Variants in RNF220 observed in about 807,000 individuals in gnomAD.
RNF220 encodes E3 ubiquitin-protein ligase RNF220.
A neutral mutation model predicts 67.1 loss-of-function variants in RNF220; 7 were observed. That is an observed-to-expected ratio of 0.10 (90% CI 0.06 to 0.20). The LOEUF (loss-of-function observed/expected upper bound fraction) is 0.20. Ranked by LOEUF, RNF220 falls within the 10% of genes least tolerant of loss-of-function variation. The pLI is 1.00. For missense variants in RNF220, 565 were observed against 740.3 expected, an observed-to-expected ratio of 0.76 and a Z score of 2.75; for synonymous variants, 270 against 283.2, an observed-to-expected ratio of 0.95 and a Z score of 0.47.
intron 2 of RNF220, among the ~76,000 whole-genome samples, chr1:44,516,334 C>T (rs1023252645): frequency 6.6e-6 from 1 of 152,140 alleles, no homozygotes; most frequent in African/African-American, 2.4e-5. Context: ...AAGAAGCAAA[C>T]ACCTAAATCA....
chr1:44,474,642 C>T (rs932391593), intron 2 of RNF220, among the ~76,000 whole-genome samples: 17 of 148,098 alleles, frequency 1.1e-4, no homozygotes, highest in Non-Finnish European at 2.5e-4. Context: ...CCAGGAGTTC[C>T]AGGCTGCAGT....
intron 5 of RNF220, 164 bp from the exon 6 acceptor site, chr1:44,632,179 A>G (rs533428108): frequency 6.4e-7 from 1 of 1,573,172 alleles, no homozygotes; most frequent in Admixed American, 1.9e-5. Context: ...GAGCGGCCGG[A>G]GGAGCAGAGG....
chr1:44,406,360 G>T (rs1044184773), intron 1 of RNF220, among the ~76,000 whole-genome samples: 50 of 152,346 alleles, frequency 3.3e-4, no homozygotes, highest in African/African-American at 1.1e-3. Context: ...CGGCCTGGCC[G>T]TAGAGTAGCC....
intron 3 of RNF220, among the ~76,000 whole-genome samples, chr1:44,615,908 G>A (rs1378151115): frequency 6.6e-6 from 1 of 152,194 alleles, no homozygotes; most frequent in Non-Finnish European, 1.5e-5. Flanking sequence ...GGGTAGTAGT[G>A]GCTACTGGCT....
intron 2 of RNF220, among the ~76,000 whole-genome samples, chr1:44,459,383 A>C (rs1653530723): frequency 6.7e-6 from 1 of 148,158 alleles, no homozygotes; most frequent in African/African-American, 2.5e-5. Flanking sequence ...CACCACTTTT[A>C]AATGCTGTCT....
chr1:44,650,696 C>A lies in RNF220; in HGVS notation c.1630-8C>A, dbSNP rs201430337. On this transcript the variant is annotated splice_polypyrimidine_tract_variant and splice_region_variant and intron_variant, in intron 14 of 14. Coordinates refer to ENST00000361799, the MANE Select transcript of RNF220 (RefSeq NM_018150.4). This position sits in a 1 kb window ranked among gnomAD's most constrained non-coding sequence, Gnocchi z 4.3. ...TGTAGACCAGAGCCCTCCCTGTTCT[C>A]CCTGCAGGGTGCCAAGAAGCTCTGC... 94 of 1,613,882 alleles carry A rather than the reference C, an allele frequency of 5.8e-5. No homozygotes were observed. The South Asian group carries it at 9.6e-4, about 16-fold the overall frequency.
At chr1:44,498,062 C>T (rs1572685147) in intron 2 of RNF220, among the ~76,000 whole-genome samples, 1 of 152,170 alleles carries the variant, frequency 6.6e-6, no homozygotes. Flanking sequence ...CCCGACCGAG[C>T]TCTGACAGTG....
At chr1:44,405,016 C>T (rs144656560), upstream of RNF220, among the ~76,000 whole-genome samples, 2 of 152,248 alleles carry the variant, frequency 1.3e-5, no homozygotes, top group African/African-American at 4.8e-5. Flanking sequence ...CAAAAGCCAA[C>T]GCTCTCTTTA....
chr1:44,507,587 C>G (rs1327424838), intron 2 of RNF220, among the ~76,000 whole-genome samples: 2 of 151,868 alleles, frequency 1.3e-5, no homozygotes, highest in Non-Finnish European at 2.9e-5. Context: ...CTCGGGGGCC[C>G]TGTCAGAGCC....
intron 2 of RNF220, among the ~76,000 whole-genome samples, chr1:44,588,099 G>C (rs144608273): frequency 6.6e-6 from 1 of 152,172 alleles, no homozygotes; most frequent in Non-Finnish European, 1.5e-5. Context: ...AATCATAAGC[G>C]GCGCTGGCAG....
chr1:44,442,467 A>G (rs138038786), intron 2 of RNF220, among the ~76,000 whole-genome samples: 2,999 of 151,246 alleles, frequency 0.02, 50 homozygotes, highest in South Asian at 0.06. Context: ...AAAAGAGTCC[A>G]AAGGAGAGCT....
At chr1:44,625,643 G>A (rs1265669627) in intron 4 of RNF220, among the ~76,000 whole-genome samples, 1 of 152,112 alleles carries the variant, frequency 6.6e-6, no homozygotes, top group Admixed American at 6.5e-5. Flanking sequence ...GGCAAGAGCG[G>A]GCTCTCAGGC....
rs112328891 is a variant in RNF220, at chr1:44,606,073, T to C, written c.626-8092T>C. Among the ~76,000 whole-genome samples, 28 of 152,230 alleles carry C rather than the reference T, an allele frequency of 1.8e-4. No individual in the cohort carries two copies. Among genetic ancestry groups the C allele is most frequent in the African/African-American group, 5.3e-4 (22 of 41,564 alleles). On this transcript the variant is annotated intron_variant, in intron 2 of 14. Coordinates refer to ENST00000361799, the MANE Select transcript of RNF220 (RefSeq NM_018150.4). This position sits in a 1 kb window ranked among gnomAD's most constrained non-coding sequence, Gnocchi z 4.2. ...CCTGACAAATGATGACTTACGAACATGTAATGCAAACTGATTCATCATACA... is the reference window on the plus strand; with the variant it reads ...CCTGACAAATGATGACTTACGAACACGTAATGCAAACTGATTCATCATACA...
At chr1:44,552,108 T>C (rs562651005) in intron 2 of RNF220, among the ~76,000 whole-genome samples, 1 of 152,314 alleles carries the variant, frequency 6.6e-6, no homozygotes, top group African/African-American at 2.4e-5. Context: ...CCTATAAGCC[T>C]CATCTAAGAC....
At chr1:44,594,688 G>A (rs1233009497) in intron 2 of RNF220, among the ~76,000 whole-genome samples, 1 of 152,202 alleles carries the variant, frequency 6.6e-6, no homozygotes. Flanking sequence ...AGAGGCTAAG[G>A]GGGCATTCGG....
intron 2 of RNF220, among the ~76,000 whole-genome samples, chr1:44,414,005 TTGAAATA>T (rs1186573123): frequency 2.2e-4 from 34 of 152,356 alleles, no homozygotes; most frequent in Admixed American, 1.5e-3. Context: ...CTCTTTGGTT[TTGAAATA>T]TGTTGCAAGT....
At chr1:44,512,028 T>A (rs1040901532) in intron 2 of RNF220, among the ~76,000 whole-genome samples, 1 of 151,980 alleles carries the variant, frequency 6.6e-6, no homozygotes, top group African/African-American at 2.4e-5. Context: ...AGATGTGTTG[T>A]AATGGGTGTG....
intron 2 of RNF220, among the ~76,000 whole-genome samples, chr1:44,471,805 C>A (rs895831243): frequency 1.3e-5 from 2 of 150,584 alleles, no homozygotes; most frequent in Admixed American, 1.3e-4. Context: ...GCTTGGGCAA[C>A]AAGAACGAAA....
At chr1:44,458,710 A>T (rs779872426) in intron 2 of RNF220, among the ~76,000 whole-genome samples, 1 of 152,162 alleles carries the variant, frequency 6.6e-6, no homozygotes, top group Non-Finnish European at 1.5e-5. Flanking sequence ...GGTTTACATA[A>T]TGTTTAATTA....
Sources: allele counts gnomAD v4.1 joint callset (sites outside exome capture counted in the v4.1 genomes callset), GRCh38; gene constraint gnomAD v4.1.1; non-coding constraint Gnocchi (gnomAD v3.1); transcripts MANE v1.5; gene names NCBI Gene and HGNC (gene_info 2026-07-23, HGNC 2026-07-21).